TMEM201: variants seen among roughly 807,000 people sequenced by gnomAD.
The protein encoded by TMEM201 is transmembrane protein 201.
In TMEM201, 26 loss-of-function variants were observed where a neutral mutation model predicts 63.4. The ratio of observed to expected loss-of-function variants is 0.41; its 90% confidence interval spans 0.30 to 0.57. The LOEUF (loss-of-function observed/expected upper bound fraction) is 0.57. TMEM201 is among the 20% of genes least tolerant of loss of function. TMEM201 has a pLI of 0.29. For synonymous variants in TMEM201, 417 were observed against 421.6 expected (o/e 0.99, Z 0.14); for missense variants, 794 against 917.7 (o/e 0.87, Z 1.74).
chr1:9,602,000 G>A, intron 5 of TMEM201, 69 bp from the exon 6 acceptor site: 2 of 1,539,064 alleles, frequency 1.3e-6, no homozygotes, highest in Non-Finnish European at 1.8e-6. Flanking sequence ...GACAGAGGAG[G>A]CAGGAAGGAA....
intron 6 of TMEM201, 111 bp downstream of exon 6, chr1:9,602,383 G>A (rs375133696): frequency 2.2e-5 from 33 of 1,495,934 alleles, no homozygotes; most frequent in Middle Eastern, 2.4e-4. Context: ...ACCTGCTCAC[G>A]CCCTCCCACC....
At chr1:9,598,427 G>A in intron 3 of TMEM201, 22 bp from the exon 4 acceptor site, 2 of 1,601,208 alleles carry the variant, frequency 1.2e-6, no homozygotes, top group South Asian at 1.1e-5. Flanking sequence ...CAGATGCCGA[G>A]CCTGTTCCCC....
At chr1:9,589,076 T>A in intron 1 of TMEM201, 33 bp downstream of exon 1, 1 of 930,812 alleles carries the variant, frequency 1.1e-6, no homozygotes, top group South Asian at 4.9e-5. Flanking sequence ...CGCGGCCCTC[T>A]GCGCCGCCCG....
At chr1:9,595,759 C>T in intron 1 of TMEM201, 131 bp from the exon 2 acceptor site, 1 of 1,361,972 alleles carries the variant, frequency 7.3e-7, no homozygotes, top group East Asian at 2.4e-5. Flanking sequence ...GCATCTCCAG[C>T]TTTGCATCCC....
chr1:9,600,084 G>T lies in TMEM201; in HGVS notation c.607-1021G>T, dbSNP rs556477242. Among the ~76,000 whole-genome samples, 87 of 152,240 alleles carry T rather than the reference G, an allele frequency of 5.7e-4. 1 individual carries two copies. Among genetic ancestry groups the T allele is most frequent in the Non-Finnish European group, 4.4e-4 (30 of 68,000 alleles). On this transcript the variant is annotated intron_variant, in intron 4 of 10. Transcript: ENST00000340381. ...CGTGTGGCAGGGCAGAGGTAGCACG[G>T]CTGTGTCCCAGCTGCAGACTGGAAA...
Position 9,613,529 on chromosome 1 carries a change from T to C in TMEM201, c.*446T>C. The C allele has an allele frequency of 6.0e-6, 1 of 167,384 alleles. No individual in the cohort carries two copies. The highest frequency in any genetic ancestry group is 1.3e-5 in the Non-Finnish European group (1 of 77,628). 10.4% of individuals were successfully genotyped at this position (167,384 alleles called of 1,614,324 possible). On this transcript the variant is annotated 3_prime_UTR_variant, in exon 11 of 11. Coordinates refer to ENST00000340381, the MANE Select transcript of TMEM201 (RefSeq NM_001130924.3). ...CTCCCCTGTCTCACCTGGGGCAACC[T>C]CAGAGCCCCACTAAGCTGAAGGCCC... is the stretch of plus-strand genomic sequence containing the variant.
intron 4 of TMEM201, among the ~76,000 whole-genome samples, chr1:9,600,368 T>G (rs1029251347): frequency 7.2e-5 from 11 of 152,244 alleles, no homozygotes; most frequent in Middle Eastern, 3.4e-3. Context: ...TCCCTGAGTG[T>G]GGTTTCCACA....
At chr1:9,599,726 A>C (rs1293452810) in intron 4 of TMEM201, among the ~76,000 whole-genome samples, 1 of 151,856 alleles carries the variant, frequency 6.6e-6, no homozygotes, top group Non-Finnish European at 1.5e-5. Context: ...GGGTTCACGC[A>C]ATTCTCCTGC....
intron 5 of TMEM201, 99 bp from the exon 6 acceptor site, chr1:9,601,970 T>C (rs1425386953): frequency 2.8e-6 from 4 of 1,408,066 alleles, no homozygotes; most frequent in South Asian, 1.4e-5. Flanking sequence ...TCTGGACTCT[T>C]CTGAGCAGGG....
At chr1:9,596,498 G>A (rs867892798) in intron 2 of TMEM201, among the ~76,000 whole-genome samples, 1 of 152,208 alleles carries the variant, frequency 6.6e-6, no homozygotes, top group East Asian at 1.9e-4. Context: ...GCAGAAACAG[G>A]CAGCTCCTCC....
At chr1:9,596,740 A>G (rs1644027183) in intron 2 of TMEM201, 119 bp from the exon 3 acceptor site, 3 of 1,018,110 alleles carry the variant, frequency 2.9e-6, no homozygotes, top group Non-Finnish European at 4.3e-6. Flanking sequence ...AAAAAAAAGA[A>G]TGGAGATGTT....
rs1239506336 is a variant in TMEM201 at position 9,601,284 on chromosome 1, T to G, written c.786T>G (p.Asn262Lys). 1 of 1,610,616 alleles carries G rather than the reference T, an allele frequency of 6.2e-7. No homozygotes were observed. Among genetic ancestry groups the G allele is most frequent in the South Asian group, 1.1e-5 (1 of 91,056 alleles). The change falls in exon 5 of 11, where the codon AAT becomes AAG. Residue 262 changes from asparagine (N) to lysine (K), a missense_variant. By Grantham distance (94) the Asn-to-Lys change is moderately conservative (BLOSUM62 0). Coordinates refer to ENST00000340381, the MANE Select transcript of TMEM201 (RefSeq NM_001130924.3). Reference protein sequence around the residue: ...PGGNGSATPDNGTTPGAEGWR... With the variant: ...PGGNGSATPDKGTTPGAEGWR... ...GCAATGGCTCAGCCACACCTGACAATGGCACCACCCCTGGGGCCGAGGGCT... is the reference window on the plus strand; with the variant it reads ...GCAATGGCTCAGCCACACCTGACAAGGGCACCACCCCTGGGGCCGAGGGCT...
chr1:9,612,878 T>G, intron 10 of TMEM201, 108 bp from the exon 11 acceptor site: 3 of 934,224 alleles, frequency 3.2e-6, no homozygotes, highest in Non-Finnish European at 3.3e-6. Flanking sequence ...GAGAGTACCC[T>G]GGGCAGAGCC....
At chr1:9,609,730 G>A in intron 7 of TMEM201, 110 bp from the exon 8 acceptor site, 1 of 1,066,598 alleles carries the variant, frequency 9.4e-7, no homozygotes, top group Non-Finnish European at 1.4e-6. Flanking sequence ...TTCCATGAAA[G>A]CACATTTGTA....
chr1:9,603,703 C>A lies in TMEM201; in HGVS notation c.1160+1431C>A. ...GCCTCACTGCTGTGAATCTGCCACGCCTGGGGGTCCTAGAGGCTGCCCCAC... is the reference window on the plus strand; with the variant it reads ...GCCTCACTGCTGTGAATCTGCCACGACTGGGGGTCCTAGAGGCTGCCCCAC... On this transcript the variant is annotated intron_variant, in intron 6 of 10. Coordinates refer to ENST00000340381, the MANE Select transcript of TMEM201 (RefSeq NM_001130924.3). The surrounding 1 kb of genome is among the most constrained non-coding windows in gnomAD (Gnocchi z 4.5). The A allele has an allele frequency of 1.0e-6, 1 of 985,468 alleles. No individual in the cohort carries two copies. The highest frequency in any genetic ancestry group is 1.2e-6 in the Non-Finnish European group (1 of 829,952). The allele number at this position is 985,468 out of a possible 1,614,324, so 61.0% of individuals were successfully genotyped here. A position where few individuals can be genotyped will look rare whatever the true frequency, so the allele number is the denominator to read the frequency against.
Position 9,613,362 on chromosome 1 carries a change from A to C in TMEM201, c.*279A>C, listed in dbSNP as rs1644351323. 7.8e-6 allele frequency: 4 copies of C among 515,004 alleles called. No individual in the cohort carries two copies. The highest frequency in any genetic ancestry group is 1.4e-5 in the Non-Finnish European group (4 of 283,722). 31.9% of individuals were successfully genotyped at this position (515,004 alleles called of 1,614,324 possible). A position where few individuals can be genotyped will look rare whatever the true frequency, so the allele number is the denominator to read the frequency against. ...TCTGATCCCGAAGCCAGGGAGCCCC[A>C]AGGGGCTGCATGACCCTGGGGTGCC... is the stretch of plus-strand genomic sequence containing the variant. On this transcript the variant is annotated 3_prime_UTR_variant, in exon 11 of 11. Coordinates refer to ENST00000340381, the MANE Select transcript of TMEM201 (RefSeq NM_001130924.3).
At position 9,595,975 on chromosome 1, in the gene TMEM201, T is replaced by C; in HGVS notation, c.199T>C (p.Cys67Arg). Residue 67 changes from cysteine to arginine, a missense_variant, in exon 2 of 11, where the codon TGT becomes CGT. Coordinates refer to ENST00000340381, the MANE Select transcript of TMEM201 (RefSeq NM_001130924.3). ...VPYGNRNCWDCPHCEQYNGFQ... is the reference protein window; with the variant it reads ...VPYGNRNCWDRPHCEQYNGFQ... The stretch of plus-strand genomic sequence containing the variant: ...CTATGGGAACCGCAACTGCTGGGAC[T>C]GTCCCCACTGCGAGCAGTACAACGG... 6.2e-7 allele frequency: 1 copy of C among 1,613,490 alleles called. No individual in the cohort carries two copies. Among genetic ancestry groups the C allele is most frequent in the Admixed American group, 1.7e-5 (1 of 60,026 alleles).
intron 4 of TMEM201, 104 bp from the exon 5 acceptor site, chr1:9,601,001 T>TG (rs1644127821): frequency 9.8e-7 from 1 of 1,016,266 alleles, no homozygotes; most frequent in South Asian, 1.6e-5. Flanking sequence ...CCAGGATGTG[T>TG]GAGAACATGG....
Position 9,602,070 on chromosome 1 carries a change from C to A in TMEM201, c.958C>A (p.Leu320Ile), listed in dbSNP as rs530592719. 1.2e-6 allele frequency: 2 copies of A among 1,610,572 alleles called. No individual in the cohort carries two copies. Among genetic ancestry groups the A allele is most frequent in the East Asian group, 2.2e-5 (1 of 44,792 alleles). ...GTGACCCCGCTGCTTCCCTTTCAGG[C>A]TCCGGAGGATCGATGCCTTCTGCAC... ...LAMLLAGRIR[L>I]RRIDAFCTCL... The change falls in exon 6 of 11, where the codon CTC becomes ATC. Residue 320 changes from leucine to isoleucine, a missense_variant and splice_region_variant. Leu to Ile is a conservative substitution (Grantham distance 5). Coordinates refer to ENST00000340381, the MANE Select transcript of TMEM201 (RefSeq NM_001130924.3).
Sources: gnomAD v4.1 joint callset for allele counts (sites outside exome capture counted in the v4.1 genomes callset) on GRCh38, gnomAD v4.1.1 for gene constraint, Gnocchi (gnomAD v3.1) non-coding constraint, MANE v1.5 for transcripts, NCBI Gene and HGNC (gene_info 2026-07-23, HGNC 2026-07-21) for gene names.